Variants in SOX6 observed in about 807,000 individuals in gnomAD.
SOX6 encodes SRY-box transcription factor 6.
A neutral mutation model predicts 97.8 loss-of-function variants in SOX6; 11 were observed. That is an observed-to-expected ratio of 0.11 (90% confidence interval 0.07 to 0.19). The LOEUF is 0.19. Among genes scored for constraint, SOX6 ranks in the 10% least tolerant of loss-of-function variants. SOX6 has a pLI of 1.00. For missense variants in SOX6, 810 were observed against 1,039.5 expected, an observed-to-expected ratio of 0.78 and a Z score of 3.04; for synonymous variants, 360 against 371.4, an observed-to-expected ratio of 0.97 and a Z score of 0.35.
intron 3 of SOX6, among the ~76,000 whole-genome samples, chr11:16,612,612 G>A (rs1848412290): frequency 6.6e-6 from 1 of 152,062 alleles, no homozygotes; most frequent in African/African-American, 2.4e-5. Context: ...GGATGGCGAT[G>A]AAGAAAAGGA....
intron 7 of SOX6, 86 bp downstream of exon 7, chr11:16,111,717 C>T: frequency 6.6e-7 from 1 of 1,511,928 alleles, no homozygotes; most frequent in South Asian, 1.1e-5. Flanking sequence ...AGTTCCCTGG[C>T]ATGCTCCTGT....
chr11:16,028,116 A>C (rs988591158), intron 12 of SOX6, among the ~76,000 whole-genome samples: 1 of 152,266 alleles, frequency 6.6e-6, no homozygotes, highest in Non-Finnish European at 1.5e-5. Flanking sequence ...TGAAGAGGTT[A>C]GCATGCTAAG....
intron 3 of SOX6, among the ~76,000 whole-genome samples, chr11:16,688,787 C>T (rs1178330918): frequency 6.6e-6 from 1 of 152,078 alleles, no homozygotes; most frequent in African/African-American, 2.4e-5. Flanking sequence ...TTTTGGATTG[C>T]CGTTAAATTG....
At chr11:16,578,513 T>C (rs764854316) in intron 4 of SOX6, among the ~76,000 whole-genome samples, 5 of 152,072 alleles carry the variant, frequency 3.3e-5, no homozygotes, top group Admixed American at 2.0e-4. Context: ...TGTTAGATTG[T>C]TTTTCCCCCA....
chr11:16,354,420 G>A (rs1212865957), intron 1 of SOX6, among the ~76,000 whole-genome samples: 2 of 151,898 alleles, frequency 1.3e-5, no homozygotes, highest in Admixed American at 6.6e-5. Context: ...CAATATACTC[G>A]TGACCCAGTG....
At chr11:16,010,664 C>T (rs1854690546) in intron 13 of SOX6, among the ~76,000 whole-genome samples, 2 of 151,858 alleles carry the variant, frequency 1.3e-5, no homozygotes, top group South Asian at 4.2e-4. Context: ...ACTATTGTTG[C>T]TGGGGGAAAG....
intron 15 of SOX6, among the ~76,000 whole-genome samples, chr11:15,980,469 A>C (rs1272234559): frequency 1.3e-5 from 2 of 152,026 alleles, no homozygotes; most frequent in Admixed American, 6.6e-5. Flanking sequence ...GCTCTCTTTT[A>C]TCATTATCAG....
At chr11:16,478,044 A>G (rs887750190), upstream of SOX6, among the ~76,000 whole-genome samples, 2 of 152,242 alleles carry the variant, frequency 1.3e-5, no homozygotes, top group Non-Finnish European at 2.9e-5. Flanking sequence ...AAACCATCAA[A>G]GAGTACTGGT....
At chr11:16,670,725 C>T (rs549619665) in intron 3 of SOX6, among the ~76,000 whole-genome samples, 8 of 152,238 alleles carry the variant, frequency 5.3e-5, no homozygotes, top group South Asian at 2.1e-4. Context: ...TGAAGCCCTC[C>T]GAAGACAAAC....
chr11:16,029,952 G>A (rs1418806250), intron 12 of SOX6, among the ~76,000 whole-genome samples: 1 of 152,070 alleles, frequency 6.6e-6, no homozygotes, highest in Admixed American at 6.5e-5. Flanking sequence ...TTTTCACCCT[G>A]ATTAAATAAA....
chr11:16,521,524 A>T (rs1399690839), intron 4 of SOX6, among the ~76,000 whole-genome samples: 1 of 152,158 alleles, frequency 6.6e-6, no homozygotes, highest in Non-Finnish European at 1.5e-5. Context: ...AACCACAAAG[A>T]TGGGGAAAAA....
At chr11:16,597,199 G>C (rs1262542769) in intron 4 of SOX6, among the ~76,000 whole-genome samples, 1 of 152,006 alleles carries the variant, frequency 6.6e-6, no homozygotes, top group East Asian at 1.9e-4. Flanking sequence ...ATAAATATAA[G>C]AGAATTAAGA....
intron 11 of SOX6, among the ~76,000 whole-genome samples, 194 bp downstream of exon 11, chr11:16,049,561 G>A (rs1844850598): frequency 6.6e-6 from 1 of 152,032 alleles, no homozygotes. Flanking sequence ...ATCCCAGCAG[G>A]ATTTATATTA....
At chr11:16,305,175 T>C (rs531179824) in intron 3 of SOX6, among the ~76,000 whole-genome samples, 3 of 152,236 alleles carry the variant, frequency 2.0e-5, no homozygotes, top group Non-Finnish European at 4.4e-5. Flanking sequence ...GTATCTATCA[T>C]AGGACTAGTA....
chr11:16,573,946 A>C (rs917009085), intron 4 of SOX6, among the ~76,000 whole-genome samples: 1 of 152,176 alleles, frequency 6.6e-6, no homozygotes, highest in African/African-American at 2.4e-5. Flanking sequence ...TTCATGTTGT[A>C]TAAGAAAAAT....
At chr11:15,999,823 A>G (rs1176932855) in intron 13 of SOX6, among the ~76,000 whole-genome samples, 1 of 152,144 alleles carries the variant, frequency 6.6e-6, no homozygotes, top group South Asian at 2.1e-4. Context: ...TTATTAATAG[A>G]ATAGTTGATT....
intron 3 of SOX6, among the ~76,000 whole-genome samples, chr11:16,627,320 T>G (rs1848636564): frequency 6.6e-6 from 1 of 152,240 alleles, no homozygotes; most frequent in Non-Finnish European, 1.5e-5. Flanking sequence ...ATAACTTGTT[T>G]TCTTTTAGAT....
At chr11:16,134,023 G>A (rs1849890438) in intron 6 of SOX6, among the ~76,000 whole-genome samples, 1 of 152,188 alleles carries the variant, frequency 6.6e-6, no homozygotes, top group South Asian at 2.1e-4. Context: ...TTACATTGGT[G>A]ATGATAATAA....
At chr11:16,728,147 A>C (rs1848321441) in intron 2 of SOX6, among the ~76,000 whole-genome samples, 1 of 152,160 alleles carries the variant, frequency 6.6e-6, no homozygotes, top group South Asian at 2.1e-4. Context: ...GGGAAGGGGC[A>C]CCTGTGGGCG....
Sources: allele counts gnomAD v4.1 joint callset (sites outside exome capture counted in the v4.1 genomes callset), GRCh38; gene constraint gnomAD v4.1.1; transcripts MANE v1.5; gene names NCBI Gene and HGNC (gene_info 2026-07-23, HGNC 2026-07-21).